DEFB110: variants seen among roughly 807,000 people sequenced by gnomAD.
The protein encoded by DEFB110 is defensin beta 110.
In DEFB110, 4 loss-of-function variants were observed where a neutral mutation model predicts 2.5. The observed-to-expected ratio is 1.60, with a 90% CI of 0.79 to 3.66. The LOEUF (loss-of-function observed/expected upper bound fraction) is 3.66. DEFB110 is among the 30% of genes most tolerant of loss of function. DEFB110 has a pLI of 0.01. For synonymous variants in DEFB110, 29 were observed against 21.8 expected (o/e 1.33, Z -0.92); for missense variants, 94 against 75.4 (o/e 1.25, Z -0.91).
chr6:50,021,467 T>C (rs1423880058), intron 1 of DEFB110, among the ~76,000 whole-genome samples: 1 of 152,216 alleles, frequency 6.6e-6, no homozygotes, highest in Admixed American at 6.5e-5. Flanking sequence ...CTGTCTGAAG[T>C]CTCTGATCAT....
intron 1 of DEFB110, among the ~76,000 whole-genome samples, chr6:50,020,943 C>G (rs1051684392): frequency 2.6e-5 from 4 of 152,098 alleles, no homozygotes; most frequent in African/African-American, 9.7e-5. Context: ...TCATGTTTGG[C>G]ACTGTTGTCC....
At chr6:50,012,389 G>A (rs114284479) in intron 1 of DEFB110, among the ~76,000 whole-genome samples, 3 of 151,804 alleles carry the variant, frequency 2.0e-5, no homozygotes, top group Non-Finnish European at 4.4e-5. Flanking sequence ...TGAAAAAAAA[G>A]AGCGAGTGAA....
intron 1 of DEFB110, among the ~76,000 whole-genome samples, chr6:50,012,633 G>A (rs1423731688): frequency 6.6e-6 from 1 of 151,854 alleles, no homozygotes; most frequent in East Asian, 1.9e-4. Flanking sequence ...TATGAAGTAA[G>A]TTTTCATTGT....
intron 1 of DEFB110, among the ~76,000 whole-genome samples, chr6:50,009,704 A>G (rs1460842471): frequency 6.6e-6 from 1 of 152,166 alleles, no homozygotes; most frequent in Non-Finnish European, 1.5e-5. Context: ...CACAAATAGT[A>G]ATCATAGAGA....
Position 50,018,845 on chromosome 6 carries a change from A to C in DEFB110, c.*132T>G. On this transcript the variant is annotated 3_prime_UTR_variant, in exon 2 of 2. Transcript: ENST00000371148. ...TGAGCGTGACATATGATCACTTCTG[A>C]ATGGTTCAACATTAATTTTTATTTA... 1 of 1,426,134 alleles carries C rather than the reference A, an allele frequency of 7.0e-7. No homozygotes were observed. Among genetic ancestry groups the C allele is most frequent in the Non-Finnish European group, 9.1e-7 (1 of 1,096,504 alleles). The allele number at this position is 1,426,134 out of a possible 1,614,324, so 88.3% of individuals were successfully genotyped here.
At chr6:50,014,717 G>T (rs1052658830), downstream of DEFB110, among the ~76,000 whole-genome samples, 1 of 151,692 alleles carries the variant, frequency 6.6e-6, no homozygotes, top group Non-Finnish European at 1.5e-5. Context: ...CTCAGCTAAT[G>T]ATCTTGCTCC....
chr6:50,021,233 G>T (rs927137727), intron 1 of DEFB110, among the ~76,000 whole-genome samples: 1 of 152,086 alleles, frequency 6.6e-6, no homozygotes, highest in African/African-American at 2.4e-5. Context: ...TTTGCTCTAA[G>T]GGGCTGTTCC....
At chr6:50,009,687 G>A (rs944376217) in intron 1 of DEFB110, among the ~76,000 whole-genome samples, 1 of 152,028 alleles carries the variant, frequency 6.6e-6, no homozygotes, top group Non-Finnish European at 1.5e-5. Context: ...TTTGAACATA[G>A]TGGTCACACA....
At chr6:50,017,896 G>C (rs977319508), downstream of DEFB110, among the ~76,000 whole-genome samples, 2 of 151,712 alleles carry the variant, frequency 1.3e-5, no homozygotes, top group African/African-American at 4.8e-5. Context: ...TGACCTATAT[G>C]TACTGTTTAA....
At chr6:50,017,476 T>C (rs1041567985), downstream of DEFB110, among the ~76,000 whole-genome samples, 4 of 151,884 alleles carry the variant, frequency 2.6e-5, no homozygotes, top group Admixed American at 2.6e-4. Context: ...ATTATCACAA[T>C]TGGGAGAAAG....
intron 1 of DEFB110, among the ~76,000 whole-genome samples, chr6:50,020,846 A>G (rs1304723602): frequency 6.6e-6 from 1 of 152,062 alleles, no homozygotes; most frequent in African/African-American, 2.4e-5. Context: ...CTTATTCTAC[A>G]TTTTCTGAGG....
chr6:50,010,826 C>G (rs1395202152), intron 1 of DEFB110, among the ~76,000 whole-genome samples: 1 of 151,456 alleles, frequency 6.6e-6, no homozygotes, highest in Non-Finnish European at 1.5e-5. Context: ...ATTCCTGAGC[C>G]ATTATATTTT....
downstream of DEFB110, among the ~76,000 whole-genome samples, chr6:50,016,370 C>A (rs114702864): frequency 2.0e-5 from 3 of 151,438 alleles, no homozygotes; most frequent in Non-Finnish European, 4.4e-5. Context: ...TAAATATGAA[C>A]GAAAATACAT....
In DEFB110 at chr6:50,021,924, T is replaced by A. The variant is rs978851282; in HGVS notation, c.12A>T (p.Gln4His). 1.1e-5 allele frequency: 17 copies of A among 1,561,712 alleles called. No individual in the cohort carries two copies. Among genetic ancestry groups the A allele is most frequent in the Non-Finnish European group, 1.3e-5 (15 of 1,162,186 alleles). The stretch of plus-strand genomic sequence containing the variant: ...AAAAGTGCAGAATAAAGAAAAAAAG[T>A]TGAATCTTCATGGTAGAGAGTTTCT... MKI[Q>H]LFFFILHFWV... Residue 4 changes from glutamine to histidine, a missense_variant, in exon 1 of 2, where the codon CAA becomes CAT. Coordinates refer to ENST00000371148, the MANE Select transcript of DEFB110 (RefSeq NM_001037497.2).
At chr6:50,014,401 A>G (rs1248066797), downstream of DEFB110, among the ~76,000 whole-genome samples, 1 of 151,780 alleles carries the variant, frequency 6.6e-6, no homozygotes, top group African/African-American at 2.4e-5. Flanking sequence ...TGGCTTGAAG[A>G]AAAATTAAGA....
intron 1 of DEFB110, among the ~76,000 whole-genome samples, chr6:50,013,020 C>T (rs1353114667): frequency 6.6e-6 from 1 of 151,860 alleles, no homozygotes; most frequent in Non-Finnish European, 1.5e-5. Context: ...ACTGCTACTA[C>T]CACTGCCACT....
intron 1 of DEFB110, among the ~76,000 whole-genome samples, chr6:50,012,087 C>T (rs1774237272): frequency 6.6e-6 from 1 of 151,868 alleles, no homozygotes; most frequent in Admixed American, 6.6e-5. Flanking sequence ...ATTAATAAGC[C>T]TTCAAAGTCA....
intron 1 of DEFB110, among the ~76,000 whole-genome samples, chr6:50,009,888 C>G (rs1774198911): frequency 6.6e-6 from 1 of 152,022 alleles, no homozygotes; most frequent in African/African-American, 2.4e-5. Flanking sequence ...TGTGAACCAT[C>G]TAAGACAATG....
intron 1 of DEFB110, chr6:50,009,361 G>A (rs1774189062): frequency 2.2e-6 from 3 of 1,350,334 alleles, no homozygotes; most frequent in African/African-American, 3.0e-5. Context: ...TTCCAGTTAT[G>A]AGATCATGTG....
Sources: allele counts gnomAD v4.1 joint callset (sites outside exome capture counted in the v4.1 genomes callset), GRCh38; gene constraint gnomAD v4.1.1; transcripts MANE v1.5; gene names NCBI Gene and HGNC (gene_info 2026-07-23, HGNC 2026-07-21).